Variants in SLC2A13 observed in about 807,000 individuals in gnomAD.
SLC2A13 encodes solute carrier family 2 member 13, also known as proton myo-inositol cotransporter.
Under a neutral mutation model 64.4 loss-of-function variants are expected in SLC2A13, and 32 were observed. The observed-to-expected ratio is 0.50, with a 90% CI of 0.37 to 0.67. The LOEUF (loss-of-function observed/expected upper bound fraction) is 0.67. Among genes scored for constraint, SLC2A13 ranks in the 30% least tolerant of loss-of-function variants. The probability of loss-of-function intolerance (pLI) is 0.00; values close to 1 mark genes in which losing one functional copy is unlikely to be tolerated. For missense variants in SLC2A13, 743 were observed against 829.2 expected (o/e 0.90, Z 1.28); for synonymous variants, 338 against 327.1 (o/e 1.03, Z -0.36).
Position 40,105,167 on chromosome 12 carries a change from C to A in SLC2A13, c.556+86G>T, listed in dbSNP as rs1218068463. 3.5e-6 allele frequency: 5 copies of A among 1,422,168 alleles called. No homozygotes were observed. The East Asian group carries it at 1.1e-4, about 32-fold the overall frequency. 88.1% of individuals were successfully genotyped at this position (1,422,168 alleles called of 1,614,324 possible). The stretch of plus-strand genomic sequence containing the variant: ...CTGACCCTGGGAGACCAGACGGGGA[C>A]CCCGATGGGCAAGAGGCACGCAACA... On this transcript the variant is annotated intron_variant, in intron 1 of 9. Transcript: ENST00000280871. The surrounding 1 kb of genome is among the most constrained non-coding windows in gnomAD (Gnocchi z 4.2).
chr12:39,844,155 C>G (rs575409680), intron 6 of SLC2A13, among the ~76,000 whole-genome samples: 1 of 152,118 alleles, frequency 6.6e-6, no homozygotes, highest in African/African-American at 2.4e-5. Flanking sequence ...AACACACATG[C>G]CTCCTTCCAA....
chr12:39,799,755 G>A (rs1323688290), intron 7 of SLC2A13, among the ~76,000 whole-genome samples: 3 of 152,166 alleles, frequency 2.0e-5, no homozygotes, highest in South Asian at 2.1e-4. Flanking sequence ...ATACAAGAAC[G>A]TGTTTTGAGA....
In SLC2A13 at chr12:40,104,426, T is replaced by C. The variant is rs111283106; in HGVS notation, c.556+827A>G. ...CAACGCCAGGAGAACCTTAATGCCTTCATTTTTGAAGTAAATTCCAAACAT... is the reference window on the plus strand; with the variant it reads ...CAACGCCAGGAGAACCTTAATGCCTCCATTTTTGAAGTAAATTCCAAACAT... On this transcript the variant is annotated intron_variant, in intron 1 of 9. Coordinates refer to ENST00000280871, the MANE Select transcript of SLC2A13 (RefSeq NM_052885.4). Among the ~76,000 whole-genome samples the C allele has an allele frequency of 8.5e-5, 13 of 152,304 alleles. 2 individuals are homozygous for C. Among genetic ancestry groups the C allele is most frequent in the African/African-American group, 2.9e-4 (12 of 41,550 alleles).
intron 4 of SLC2A13, among the ~76,000 whole-genome samples, chr12:39,948,735 C>T (rs771346893): frequency 9.9e-5 from 15 of 152,036 alleles, no homozygotes; most frequent in Non-Finnish European, 2.1e-4. Context: ...AAAGCATTAA[C>T]TGCTTTATTT....
chr12:39,943,140 G>A (rs1050821174), intron 4 of SLC2A13, among the ~76,000 whole-genome samples: 3 of 152,116 alleles, frequency 2.0e-5, no homozygotes, highest in South Asian at 2.1e-4. Context: ...CGTCCCAGAG[G>A]GGCACCTGCC....
chr12:39,955,600 C>A lies in SLC2A13; in HGVS notation c.926-4235G>T, dbSNP rs192083311. ...AGGGCCCCTCAAAACATATTCACATCCTAATCCCTGAAACCTGTATTATCT... is the reference window on the plus strand; with the variant it reads ...AGGGCCCCTCAAAACATATTCACATACTAATCCCTGAAACCTGTATTATCT... On this transcript the variant is annotated intron_variant, in intron 3 of 9. Coordinates refer to ENST00000280871, the MANE Select transcript of SLC2A13 (RefSeq NM_052885.4). 2.0e-5 allele frequency among the ~76,000 whole-genome samples: 3 copies of A among 152,194 alleles called. No individual in the cohort carries two copies. In the East Asian group the frequency reaches 5.8e-4, roughly 29 times the overall value.
At chr12:39,916,339 T>C (rs1469481186) in intron 4 of SLC2A13, among the ~76,000 whole-genome samples, 2 of 151,988 alleles carry the variant, frequency 1.3e-5, no homozygotes, top group Non-Finnish European at 2.9e-5. Context: ...AAAACCAGTA[T>C]TGCTTCCCTT....
intron 4 of SLC2A13, among the ~76,000 whole-genome samples, chr12:39,896,609 T>C (rs1366317079): frequency 2.0e-5 from 3 of 151,420 alleles, no homozygotes; most frequent in Non-Finnish European, 4.4e-5. Context: ...TGTATGTATA[T>C]GTGTTTATAT....
At chr12:39,898,991 C>T (rs1261275374) in intron 4 of SLC2A13, among the ~76,000 whole-genome samples, 1 of 152,094 alleles carries the variant, frequency 6.6e-6, no homozygotes, top group Non-Finnish European at 1.5e-5. Flanking sequence ...TGATGCTGGC[C>T]TCATAAAATG....
intron 4 of SLC2A13, among the ~76,000 whole-genome samples, chr12:39,888,201 C>A (rs1342981893): frequency 6.6e-6 from 1 of 152,076 alleles, no homozygotes; most frequent in Non-Finnish European, 1.5e-5. Flanking sequence ...ATGGATATAA[C>A]CATTCTAAGT....
At chr12:40,005,705 G>T (rs1947402597) in intron 3 of SLC2A13, among the ~76,000 whole-genome samples, 1 of 152,156 alleles carries the variant, frequency 6.6e-6, no homozygotes, top group South Asian at 2.1e-4. Flanking sequence ...TCAGATGCAT[G>T]CTAATTAGGA....
At chr12:39,965,063 A>G (rs1010556558) in intron 3 of SLC2A13, among the ~76,000 whole-genome samples, 1 of 152,234 alleles carries the variant, frequency 6.6e-6, no homozygotes, top group Non-Finnish European at 1.5e-5. Context: ...ACAAATGACA[A>G]GATATAATAT....
At chr12:39,957,984 A>G (rs1252929669) in intron 3 of SLC2A13, among the ~76,000 whole-genome samples, 1 of 152,210 alleles carries the variant, frequency 6.6e-6, no homozygotes, top group Non-Finnish European at 1.5e-5. Context: ...GTATTATGAG[A>G]TTAAGGCATA....
intron 6 of SLC2A13, among the ~76,000 whole-genome samples, chr12:39,838,425 G>A (rs1232203335): frequency 4.7e-5 from 7 of 147,788 alleles, no homozygotes; most frequent in Admixed American, 2.0e-4. Context: ...GCACCAGCAT[G>A]GCACATGTAT....
At chr12:39,866,797 A>G (rs1438885602) in intron 5 of SLC2A13, among the ~76,000 whole-genome samples, 4 of 152,202 alleles carry the variant, frequency 2.6e-5, no homozygotes, top group East Asian at 1.9e-4. Context: ...TTTTAATGCT[A>G]TAACATGTTA....
chr12:40,007,957 A>G (rs1340330961), intron 3 of SLC2A13, among the ~76,000 whole-genome samples: 1 of 152,192 alleles, frequency 6.6e-6, no homozygotes, highest in Non-Finnish European at 1.5e-5. Context: ...GTTTTACGGG[A>G]AAACCCAGAT....
In SLC2A13 at chr12:40,048,060, T is replaced by C. The variant is rs779230404; in HGVS notation, c.707A>G (p.Asp236Gly). The C allele has an allele frequency of 4.4e-6, 7 of 1,598,858 alleles. No individual in the cohort carries two copies. Among genetic ancestry groups the C allele is most frequent in the Non-Finnish European group, 6.0e-6 (7 of 1,176,168 alleles). Residue 236 changes from aspartate (D) to glycine (G), a missense_variant, in exon 2 of 10, where the codon GAT becomes GGT. Physicochemically the swap from Asp to Gly is moderately conservative, Grantham distance 94. Coordinates refer to ENST00000280871, the MANE Select transcript of SLC2A13 (RefSeq NM_052885.4). ...AAAAGTATTTACAAACCTCCATCCA[T>C]CCTTCTGGAGATAACTGAAGGCTCC... ...VDGAFSYLQK[D>G]GWRYMLGLAA...
chr12:39,959,153 T>C (rs759011318), intron 3 of SLC2A13, among the ~76,000 whole-genome samples: 10 of 152,198 alleles, frequency 6.6e-5, no homozygotes, highest in Non-Finnish European at 1.2e-4. Flanking sequence ...TTGTGATTAA[T>C]TAGAAACTAC....
intron 5 of SLC2A13, among the ~76,000 whole-genome samples, chr12:39,866,636 C>T (rs991672381): frequency 1.3e-5 from 2 of 152,066 alleles, no homozygotes; most frequent in African/African-American, 4.8e-5. Flanking sequence ...CCCGCCACCT[C>T]GCCCGGCTAA....
Sources: allele counts gnomAD v4.1 joint callset (sites outside exome capture counted in the v4.1 genomes callset), GRCh38; gene constraint gnomAD v4.1.1; non-coding constraint Gnocchi (gnomAD v3.1); transcripts MANE v1.5; gene names NCBI Gene and HGNC (gene_info 2026-07-23, HGNC 2026-07-21).